ALS2: variants seen among roughly 807,000 people sequenced by gnomAD.
ALS2 encodes alsin Rho guanine nucleotide exchange factor ALS2.
ALS2 carries 117 observed loss-of-function variants against 203.4 expected under a neutral mutation model. The observed-to-expected ratio is 0.58, with a 90% confidence interval of 0.50 to 0.67. The LOEUF is 0.67. ALS2 is among the 30% of genes least tolerant of loss of function. ALS2 has a pLI of 0.00. For missense variants in ALS2, 1,715 were observed against 1,989.4 expected (o/e 0.86, Z 2.62); for synonymous variants, 718 against 725.9 (o/e 0.99, Z 0.17).
At chr2:201,723,303 A>G (rs762325034) in intron 22 of ALS2, 27 bp downstream of exon 22, 4 of 1,559,340 alleles carry the variant, frequency 2.6e-6, no homozygotes, top group Non-Finnish European at 3.5e-6. Context: ...AAAGTTAGTA[A>G]TAACTACATG....
intron 10 of ALS2, among the ~76,000 whole-genome samples, chr2:201,743,818 A>G (rs1692452537): frequency 6.6e-6 from 1 of 152,228 alleles, no homozygotes; most frequent in African/African-American, 2.4e-5. Flanking sequence ...CAACTTTAAG[A>G]GACTACTTGT....
Position 201,770,989 on chromosome 2 carries a change from G to A in ALS2, c.-60-2044C>T, listed in dbSNP as rs560917347. On this transcript the variant is annotated intron_variant, in intron 1 of 33. Transcript: ENST00000264276. ...TTCATAACAATTTGTTGCAGCTGCA[G>A]TAGAAAACTAATATATTATTTCACA... Among the ~76,000 whole-genome samples the A allele has an allele frequency of 2.6e-4, 40 of 151,536 alleles. No homozygotes were observed. The South Asian group carries it at 2.7e-3, about 10-fold the overall frequency.
In ALS2 at chr2:201,761,541, C is replaced by A; in HGVS notation, c.453G>T (p.Arg151Ser). ...DSEASPLLAVRILQLACGEEH... is the reference protein window; with the variant it reads ...DSEASPLLAVSILQLACGEEH... ...CCTCGCCACACGCCAACTGTAAAAT[C>A]CTGACTGCTAACAAAGGGCTGGCCT... The change falls in exon 4 of 34, where the codon AGG (arginine) becomes AGT (serine). Residue 151 changes from arginine (R) to serine (S), a missense_variant. Transcript: ENST00000264276. The A allele has an allele frequency of 6.2e-7, 1 of 1,614,208 alleles. No individual in the cohort carries two copies. Among genetic ancestry groups the A allele is most frequent in the Non-Finnish European group, 8.5e-7 (1 of 1,180,036 alleles).
Position 201,732,004 on chromosome 2 carries a change from T to C in ALS2, c.2580+1272A>G, listed in dbSNP as rs564436171. On this transcript the variant is annotated intron_variant, in intron 13 of 33. Coordinates refer to ENST00000264276, the MANE Select transcript of ALS2 (RefSeq NM_020919.4). ...AAACTGAACTCTGACTCTCAACAAT[T>C]CTAAGCTGATCTGGTGGAAAATTTT... is the stretch of plus-strand genomic sequence containing the variant. 3.9e-5 allele frequency among the ~76,000 whole-genome samples: 6 copies of C among 152,228 alleles called. No individual in the cohort carries two copies. In the East Asian group the frequency reaches 9.7e-4, roughly 24 times the overall value.
chr2:201,733,391 A>C lies in ALS2; in HGVS notation c.2465T>G (p.Val822Gly). Residue 822 changes from valine (V) to glycine (G), a missense_variant, in exon 13 of 34, where the codon GTG (valine) becomes GGG (glycine). Val to Gly is a moderately radical substitution (Grantham distance 109). Transcript: ENST00000264276. ...NQELLQDLSE[V>G]NDENTQLMEI... The stretch of plus-strand genomic sequence containing the variant: ...CATCAACTGAGTGTTTTCGTCATTC[A>C]CTTCTGACAAATCTTGCAACAGCTC... The C allele has an allele frequency of 6.2e-7, 1 of 1,613,742 alleles. No individual in the cohort carries two copies.
At chr2:201,770,349 T>C (rs1196875727) in intron 1 of ALS2, among the ~76,000 whole-genome samples, 2 of 152,212 alleles carry the variant, frequency 1.3e-5, no homozygotes, top group Non-Finnish European at 2.9e-5. Context: ...TTTGATAAAA[T>C]GAATAAAGTC....
intron 12 of ALS2, among the ~76,000 whole-genome samples, chr2:201,735,029 A>G (rs1426418936): frequency 6.6e-6 from 1 of 152,234 alleles, no homozygotes; most frequent in African/African-American, 2.4e-5. Flanking sequence ...TCAGCCATAA[A>G]ATGGAATGAA....
At chr2:201,728,418 A>C in intron 15 of ALS2, 94 bp downstream of exon 15, 1 of 1,537,256 alleles carries the variant, frequency 6.5e-7, no homozygotes, top group East Asian at 2.3e-5. Context: ...TTTCAGTAAA[A>C]TCACACTAGT....
chr2:201,707,157 C>A, intron 28 of ALS2, 135 bp from the exon 29 acceptor site: 2 of 772,482 alleles, frequency 2.6e-6, no homozygotes, highest in South Asian at 1.6e-5. Flanking sequence ...TATTACTCTG[C>A]TCTTTACATA....
Position 201,715,687 on chromosome 2 carries a change from C to T in ALS2, c.3989G>A (p.Arg1330His), listed in dbSNP as rs766208922. Residue 1330 changes from arginine to histidine, a missense_variant, in exon 25 of 34, where the codon CGC (arginine) becomes CAC (histidine). Arg to His is a conservative substitution (Grantham distance 29). Coordinates refer to ENST00000264276, the MANE Select transcript of ALS2 (RefSeq NM_020919.4). ...GTTCACTCACCTGTCTCTGTGCTGG[C>T]GCCGACTGGTGGTCAAGGCCACAGC... The part of the protein sequence containing the change: ...NIAVALTTSR[R>H]QHRDSPEILS... 43 of 1,614,054 alleles carry T rather than the reference C, an allele frequency of 2.7e-5. No homozygotes were observed. Among genetic ancestry groups the T allele is most frequent in the South Asian group, 2.0e-4 (18 of 91,090 alleles).
At chr2:201,716,174 A>G (rs1387889950) in intron 24 of ALS2, among the ~76,000 whole-genome samples, 1 of 151,974 alleles carries the variant, frequency 6.6e-6, no homozygotes, top group Non-Finnish European at 1.5e-5. Context: ...CTGGGAGGCC[A>G]AGGCAGGTGG....
intron 29 of ALS2, 49 bp downstream of exon 29, chr2:201,706,797 G>A: frequency 6.2e-7 from 1 of 1,603,886 alleles, no homozygotes; most frequent in Non-Finnish European, 8.5e-7. Flanking sequence ...AATGCAGTTT[G>A]CATTTTAAAT....
chr2:201,763,872 T>C (rs1009023355), intron 3 of ALS2, among the ~76,000 whole-genome samples: 2 of 152,204 alleles, frequency 1.3e-5, no homozygotes, highest in African/African-American at 4.8e-5. Flanking sequence ...TTTTAAAAAA[T>C]ACTGAGCCAA....
chr2:201,753,324 C>T (rs868178123), intron 6 of ALS2, 82 bp from the exon 7 acceptor site: 36 of 1,125,124 alleles, frequency 3.2e-5, no homozygotes, highest in African/African-American at 1.2e-4. Flanking sequence ...AAAGTGCTGT[C>T]GTGTAAAAAT....
chr2:201,743,376 GTAC>G (rs1559066524), intron 10 of ALS2, among the ~76,000 whole-genome samples: 1 of 152,120 alleles, frequency 6.6e-6, no homozygotes, highest in Non-Finnish European at 1.5e-5. Context: ...ATCCCATCTA[GTAC>G]TACTGTAACC....
At chr2:201,708,119 A>T (rs1689839632) in intron 27 of ALS2, 128 bp from the exon 28 acceptor site, 2 of 800,794 alleles carry the variant, frequency 2.5e-6, no homozygotes, top group East Asian at 5.9e-5. Flanking sequence ...TCCCTGAGAA[A>T]ACTGATGTTT....
intron 20 of ALS2, 81 bp from the exon 21 acceptor site, chr2:201,724,540 A>C: frequency 7.1e-7 from 1 of 1,406,168 alleles, no homozygotes; most frequent in Non-Finnish European, 1.0e-6. Flanking sequence ...AAAATCCAAA[A>C]CCATACTCAG....
At chr2:201,737,202 T>C (rs968246172) in intron 12 of ALS2, among the ~76,000 whole-genome samples, 1 of 152,204 alleles carries the variant, frequency 6.6e-6, no homozygotes, top group African/African-American at 2.4e-5. Context: ...TATATTTTAT[T>C]AGATGTTATA....
At chr2:201,708,933 T>C (rs1404633635) in intron 27 of ALS2, among the ~76,000 whole-genome samples, 1 of 152,228 alleles carries the variant, frequency 6.6e-6, no homozygotes, top group Non-Finnish European at 1.5e-5. Context: ...ATCTAGCTAA[T>C]GTCAGAGCTA....
Sources: allele counts gnomAD v4.1 joint callset (sites outside exome capture counted in the v4.1 genomes callset), GRCh38; gene constraint gnomAD v4.1.1; transcripts MANE v1.5; gene names NCBI Gene and HGNC (gene_info 2026-07-23, HGNC 2026-07-21).